DLG2: variants seen among roughly 807,000 people sequenced by gnomAD.
DLG2 encodes disks large homolog 2.
A neutral mutation model predicts 132.5 loss-of-function variants in DLG2; 45 were observed. That is an observed-to-expected ratio of 0.34 (90% CI 0.27 to 0.44). DLG2 has a LOEUF of 0.44. Ranked by LOEUF, DLG2 falls within the 20% of genes least tolerant of loss-of-function variation. The pLI, the probability that DLG2 is intolerant of heterozygous loss-of-function variation, is 1.00. For missense variants in DLG2, 1,045 were observed against 1,196.9 expected (o/e 0.87, Z 1.87); for synonymous variants, 424 against 419.6 (o/e 1.01, Z -0.13).
At chr11:83,986,421 G>T (rs2093318322) in intron 11 of DLG2, among the ~76,000 whole-genome samples, 1 of 151,340 alleles carries the variant, frequency 6.6e-6, no homozygotes, top group South Asian at 2.1e-4. Context: ...AGTATTCCAT[G>T]GTGTATATGT....
chr11:84,265,225 A>G (rs1451281245), intron 7 of DLG2, among the ~76,000 whole-genome samples: 1 of 152,202 alleles, frequency 6.6e-6, no homozygotes, highest in Non-Finnish European at 1.5e-5. Context: ...GTAAATGTAT[A>G]TATTTGGGAA....
intron 7 of DLG2, among the ~76,000 whole-genome samples, chr11:84,266,219 G>A (rs1054271267): frequency 3.3e-5 from 5 of 152,142 alleles, no homozygotes; most frequent in Non-Finnish European, 7.4e-5. Flanking sequence ...TCACAAGACC[G>A]GTAGTCAAAG....
chr11:83,718,532 G>GAAAAAAA lies in DLG2; in HGVS notation c.1825+68151_1825+68157dup, dbSNP rs57237354. 2.5e-3 allele frequency among the ~76,000 whole-genome samples: 261 copies of GAAAAAAA among 106,248 alleles called. 1 individual carries two copies. The highest frequency in any genetic ancestry group is 2.8e-3 in the Non-Finnish European group (156 of 56,228). 69.7% of individuals were successfully genotyped at this position (106,248 alleles called of 152,430 possible). On this transcript the variant is annotated intron_variant, in intron 18 of 27. Coordinates refer to ENST00000376104, the MANE Select transcript of DLG2 (RefSeq NM_001142699.3). ...AGAGTGAAACTCCATCTCAAAAAAAGAAAAAAAAAAAAAAAAAAAGAAAGA... is the reference window on the plus strand; with the variant it reads ...AGAGTGAAACTCCATCTCAAAAAAAGAAAAAAAAAAAAAAAAAAAAAAAAAAGAAAGA...
chr11:84,434,931 A>AAAG (rs1181245475), intron 7 of DLG2, among the ~76,000 whole-genome samples: 6 of 151,352 alleles, frequency 4.0e-5, no homozygotes, highest in African/African-American at 1.5e-4. Flanking sequence ...AAAAAAAAAA[A>AAAG]AAAAAAGAAA....
intron 6 of DLG2, among the ~76,000 whole-genome samples, chr11:85,000,721 T>G (rs2058131749): frequency 6.6e-6 from 1 of 152,184 alleles, no homozygotes; most frequent in Non-Finnish European, 1.5e-5. Flanking sequence ...TTTACGTATT[T>G]CATCATTAAC....
chr11:83,884,065 T>C (rs926633858), intron 15 of DLG2, among the ~76,000 whole-genome samples: 6 of 152,150 alleles, frequency 3.9e-5, no homozygotes, highest in African/African-American at 1.4e-4. Context: ...CGGGTTCATC[T>C]CACTAGGGAG....
At chr11:85,133,176 C>T (rs2075865464) in intron 5 of DLG2, 1 of 174,550 alleles carries the variant, frequency 5.7e-6, no homozygotes, top group African/African-American at 2.3e-5. Flanking sequence ...AGCTCTTGCT[C>T]TTGTTTCTGA....
At chr11:84,424,793 T>G (rs2098961246) in intron 7 of DLG2, among the ~76,000 whole-genome samples, 1 of 152,100 alleles carries the variant, frequency 6.6e-6, no homozygotes, top group Non-Finnish European at 1.5e-5. Flanking sequence ...AAAGCACGTG[T>G]GTTTTATTCT....
In DLG2 at chr11:85,467,230, A is replaced by G. The variant is rs192984711; in HGVS notation, c.40+131427T>C. ...TTGGGCTGAGACGATGGGGTTTTCT[A>G]GATATACAATCATGTAATCTCCAAA... On this transcript the variant is annotated intron_variant, in intron 3 of 27. Coordinates refer to ENST00000376104, the MANE Select transcript of DLG2 (RefSeq NM_001142699.3). Among the ~76,000 whole-genome samples the G allele has an allele frequency of 1.3e-4, 20 of 152,344 alleles. 1 individual carries two copies. The highest frequency in any genetic ancestry group is 3.8e-4 in the African/African-American group (16 of 41,568).
intron 3 of DLG2, among the ~76,000 whole-genome samples, chr11:85,363,256 G>A (rs2084293750): frequency 6.6e-6 from 1 of 152,196 alleles, no homozygotes; most frequent in East Asian, 1.9e-4. Context: ...AGGAAATGCA[G>A]AGACTGCCTC....
Position 85,309,971 on chromosome 11 carries a change from T to C in DLG2, c.41-24606A>G, listed in dbSNP as rs150759200. 2.1e-3 allele frequency among the ~76,000 whole-genome samples: 322 copies of C among 152,314 alleles called. 1 individual carries two copies. The highest frequency in any genetic ancestry group is 7.6e-3 in the African/African-American group (315 of 41,578). ...TTCCTACTAATAACATGCTACCTGG[T>C]ACATAGCAGTCTCTCAGATGCTGAT... On this transcript the variant is annotated intron_variant, in intron 3 of 27. Transcript: ENST00000376104.
intron 9 of DLG2, among the ~76,000 whole-genome samples, chr11:84,111,211 T>A (rs1438677760): frequency 1.3e-5 from 2 of 152,236 alleles, no homozygotes; most frequent in African/African-American, 4.8e-5. Flanking sequence ...TAAATCCTTG[T>A]ATAAACTGAA....
intron 7 of DLG2, among the ~76,000 whole-genome samples, chr11:84,436,334 T>C (rs1011604213): frequency 6.6e-6 from 1 of 152,218 alleles, no homozygotes; most frequent in Non-Finnish European, 1.5e-5. Flanking sequence ...CATCACTGGA[T>C]TCTTGTTCAT....
At chr11:84,626,865 T>C (rs568113601) in intron 6 of DLG2, among the ~76,000 whole-genome samples, 2 of 130,846 alleles carry the variant, frequency 1.5e-5, no homozygotes, top group African/African-American at 5.9e-5. Flanking sequence ...TTTTATTTTA[T>C]TTTATTTTAT....
chr11:84,376,171 ATCTC>A (rs966978399), intron 7 of DLG2, among the ~76,000 whole-genome samples: 7 of 151,782 alleles, frequency 4.6e-5, no homozygotes, highest in East Asian at 1.9e-4. Context: ...AGCTTTAATT[ATCTC>A]TCTCTCTCTC....
At chr11:85,434,940 G>T (rs561933584) in intron 3 of DLG2, among the ~76,000 whole-genome samples, 1 of 152,090 alleles carries the variant, frequency 6.6e-6, no homozygotes, top group Non-Finnish European at 1.5e-5. Context: ...CTGGCAAAAC[G>T]AATCCAGCAG....
intron 18 of DLG2, among the ~76,000 whole-genome samples, chr11:83,760,715 C>A (rs1593842893): frequency 6.6e-6 from 1 of 152,180 alleles, no homozygotes; most frequent in African/African-American, 2.4e-5. Flanking sequence ...ACAACAACAA[C>A]AAAAAACTGT....
chr11:84,665,439 T>C (rs962373539), intron 6 of DLG2, among the ~76,000 whole-genome samples: 1 of 152,164 alleles, frequency 6.6e-6, no homozygotes, highest in Admixed American at 6.6e-5. Flanking sequence ...CCTATCTATC[T>C]ATCAGTAGTA....
intron 3 of DLG2, among the ~76,000 whole-genome samples, chr11:85,459,567 G>T (rs2092536937): frequency 6.6e-6 from 1 of 152,140 alleles, no homozygotes; most frequent in Non-Finnish European, 1.5e-5. Context: ...GCTATTATGT[G>T]GTGCAAAGCC....
Sources: gnomAD v4.1 joint callset for allele counts (sites outside exome capture counted in the v4.1 genomes callset) on GRCh38, gnomAD v4.1.1 for gene constraint, MANE v1.5 for transcripts, NCBI Gene and HGNC (gene_info 2026-07-23, HGNC 2026-07-21) for gene names.